The following QRICH1 variants were observed in gnomAD, a reference collection of about 807,000 sequenced individuals.
QRICH1 encodes glutamine rich 1.
QRICH1 carries 16 observed loss-of-function variants against 87.1 expected under a neutral mutation model. That is an observed-to-expected ratio of 0.18 (90% CI 0.12 to 0.28). The LOEUF is 0.28. Ranked by LOEUF, QRICH1 falls within the 10% of genes least tolerant of loss-of-function variation. The pLI, the probability that QRICH1 is intolerant of heterozygous loss-of-function variation, is 1.00. For missense variants in QRICH1, 647 were observed against 951.7 expected, an observed-to-expected ratio of 0.68 and a Z score of 4.21; for synonymous variants, 367 against 368.4, an observed-to-expected ratio of 1.00 and a Z score of 0.05.
At chr3:49,072,860 G>C (rs1486814427) in intron 2 of QRICH1, among the ~76,000 whole-genome samples, 3 of 151,876 alleles carry the variant, frequency 2.0e-5, no homozygotes, top group Non-Finnish European at 1.5e-5. Context: ...TGAGCAACAT[G>C]GCGAGAGTCC....
chr3:49,051,591 C>A (rs1009755242), intron 3 of QRICH1, among the ~76,000 whole-genome samples: 11 of 137,174 alleles, frequency 8.0e-5, no homozygotes, highest in African/African-American at 1.1e-4. Context: ...TGCGCCCCCC[C>A]CCCCCTCCGC....
intron 2 of QRICH1, among the ~76,000 whole-genome samples, chr3:49,070,338 T>G (rs1470534552): frequency 6.6e-6 from 1 of 152,042 alleles, no homozygotes; most frequent in African/African-American, 2.4e-5. Context: ...ACGCCTGGCC[T>G]TTCATCACCT....
chr3:49,084,886 C>T (rs1353232432), intron 1 of QRICH1, among the ~76,000 whole-genome samples: 1 of 152,198 alleles, frequency 6.6e-6, no homozygotes, highest in Non-Finnish European at 1.5e-5. Context: ...CTAAGGCTCA[C>T]GCCTGTAATC....
chr3:49,042,489 T>G (rs935419344), intron 6 of QRICH1, among the ~76,000 whole-genome samples: 1 of 152,104 alleles, frequency 6.6e-6, no homozygotes, highest in Non-Finnish European at 1.5e-5. Context: ...CTATATGACA[T>G]TCTGGAAAAG....
chr3:49,083,801 T>C (rs961618605), intron 1 of QRICH1, among the ~76,000 whole-genome samples: 3 of 151,206 alleles, frequency 2.0e-5, no homozygotes, highest in Admixed American at 6.6e-5. Context: ...TGGTGCTGCA[T>C]ACCTGTAGTC....
At chr3:49,073,539 C>CA (rs2041888062) in intron 2 of QRICH1, among the ~76,000 whole-genome samples, 1 of 141,826 alleles carries the variant, frequency 7.1e-6, no homozygotes, top group Non-Finnish European at 1.5e-5. Context: ...GACTCCATCT[C>CA]GAAAAAAAAA....
intron 7 of QRICH1, 44 bp downstream of exon 7, chr3:49,033,076 C>A (rs1019398281): frequency 2.2e-6 from 3 of 1,357,324 alleles, no homozygotes; most frequent in East Asian, 2.6e-5. Flanking sequence ...CTTCCACACT[C>A]TTCACTGGAC....
chr3:49,091,642 G>T (rs1298114035), intron 1 of QRICH1, among the ~76,000 whole-genome samples: 1 of 152,164 alleles, frequency 6.6e-6, no homozygotes, highest in Non-Finnish European at 1.5e-5. Flanking sequence ...GAGAGGACCC[G>T]AAGGAAGACA....
chr3:49,058,878 T>C (rs2093418215), intron 2 of QRICH1, among the ~76,000 whole-genome samples: 1 of 152,170 alleles, frequency 6.6e-6, no homozygotes, highest in African/African-American at 2.4e-5. Context: ...TCCGCCCACC[T>C]TGGCCTCCAA....
At chr3:49,059,123 G>A (rs1286882580) in intron 2 of QRICH1, among the ~76,000 whole-genome samples, 2 of 150,604 alleles carry the variant, frequency 1.3e-5, no homozygotes, top group Admixed American at 1.3e-4. Context: ...CACCACACCC[G>A]GCTAATTTTT....
chr3:49,067,409 T>C (rs2093474816), intron 2 of QRICH1, among the ~76,000 whole-genome samples: 1 of 150,418 alleles, frequency 6.6e-6, no homozygotes, highest in Admixed American at 6.6e-5. Context: ...CTACTAAAAA[T>C]ACAAAAAAAT....
chr3:49,059,621 T>A (rs1045702611), intron 2 of QRICH1, among the ~76,000 whole-genome samples: 2 of 149,092 alleles, frequency 1.3e-5, no homozygotes, highest in African/African-American at 4.9e-5. Flanking sequence ...GGTTTCACCA[T>A]GTTGGTTGGC....
intron 5 of QRICH1, among the ~76,000 whole-genome samples, chr3:49,046,107 G>A (rs1436115443): frequency 6.6e-6 from 1 of 151,554 alleles, no homozygotes; most frequent in Non-Finnish European, 1.5e-5. Flanking sequence ...AGTGGATGGG[G>A]TTTCACCATG....
Position 49,057,680 on chromosome 3 carries a change from C to G in QRICH1, c.520G>C (p.Val174Leu), listed in dbSNP as rs2093410863. 1 of 1,614,224 alleles carries G rather than the reference C, an allele frequency of 6.2e-7. No individual in the cohort carries two copies. Among genetic ancestry groups the G allele is most frequent in the East Asian group, 2.2e-5 (1 of 44,886 alleles). ...GCCTGGATCTGCTGGGCTGCTTGCA[C>G]GTGCTGCACCTGGATCTGAGCTGCT... The part of the protein sequence containing the change: ...LQAAQIQVQH[V>L]QAAQQIQAAE... Residue 174 changes from valine to leucine, a missense_variant, in exon 3 of 10, where the codon GTG becomes CTG. By Grantham distance (32) the Val-to-Leu change is conservative. Around this residue, in one of 7 missense-constraint regions of QRICH1, gnomAD observed 156 missense variants for 164.5 expected, o/e 0.95. Coordinates refer to ENST00000395443, the MANE Select transcript of QRICH1 (RefSeq NM_198880.3). This position sits in a 1 kb window ranked among gnomAD's most constrained non-coding sequence, Gnocchi z 5.4.
intron 3 of QRICH1, among the ~76,000 whole-genome samples, chr3:49,051,631 C>G (rs114353727): frequency 0.027 from 3,817 of 140,646 alleles, 67 homozygotes; most frequent in Middle Eastern, 0.042. Context: ...CTATACATCT[C>G]CAACTGAACA....
At chr3:49,035,266 C>T (rs923740776) in intron 6 of QRICH1, among the ~76,000 whole-genome samples, 1 of 152,140 alleles carries the variant, frequency 6.6e-6, no homozygotes, top group African/African-American at 2.4e-5. Flanking sequence ...GAGATGAGGT[C>T]TTGCTATGTT....
At chr3:49,032,476 G>T in intron 8 of QRICH1, 146 bp downstream of exon 8, 1 of 1,138,446 alleles carries the variant, frequency 8.8e-7, no homozygotes, top group Non-Finnish European at 1.2e-6. Context: ...AGGAAAGTTT[G>T]GAATTTTTGG....
chr3:49,060,046 G>A (rs981424021), intron 2 of QRICH1, among the ~76,000 whole-genome samples: 17 of 151,482 alleles, frequency 1.1e-4, no homozygotes, highest in East Asian at 3.9e-4. Context: ...CACCACGCCC[G>A]GCTGATTTTT....
chr3:49,057,818 G>C lies in QRICH1; in HGVS notation c.382C>G (p.Pro128Ala). 6.2e-7 allele frequency: 1 copy of C among 1,614,138 alleles called. No individual in the cohort carries two copies. Among genetic ancestry groups the C allele is most frequent in the Non-Finnish European group, 8.5e-7 (1 of 1,180,036 alleles). The change falls in exon 3 of 10, where the codon CCT becomes GCT. Residue 128 changes from proline (P) to alanine (A), a missense_variant. Pro to Ala is a conservative substitution (Grantham distance 27, BLOSUM62 -1). This residue lies in a region of QRICH1 where 156 missense variants were observed against 164.5 expected (regional missense o/e 0.95). Transcript: ENST00000395443. This position sits in a 1 kb window ranked among gnomAD's most constrained non-coding sequence, Gnocchi z 5.4. ...TGGACCTGGATGGGTTGCTCAGTAG[G>C]CTGGTGAACGGTGAGTTGTGGGGAG... ...QLSPQLTVHQ[P>A]TEQPIQVQVQ...
Sources: allele counts gnomAD v4.1 joint callset (sites outside exome capture counted in the v4.1 genomes callset), GRCh38; gene constraint gnomAD v4.1.1; regional missense constraint gnomAD v4.1.1; non-coding constraint Gnocchi (gnomAD v3.1); transcripts MANE v1.5; gene names NCBI Gene and HGNC (gene_info 2026-07-23, HGNC 2026-07-21).